Variants in UBE2D1 observed in about 807,000 individuals in gnomAD.
UBE2D1 encodes ubiquitin-conjugating enzyme E2 D1.
A neutral mutation model predicts 24.6 loss-of-function variants in UBE2D1; 9 were observed. That is an observed-to-expected ratio of 0.37 (90% CI 0.22 to 0.64). The LOEUF is 0.64. UBE2D1 is among the 30% of genes least tolerant of loss of function. The pLI, the probability that UBE2D1 is intolerant of heterozygous loss-of-function variation, is 0.64. For missense variants in UBE2D1, 87 were observed against 177.1 expected, an observed-to-expected ratio of 0.49 and a Z score of 2.89; for synonymous variants, 57 against 57.6, an observed-to-expected ratio of 0.99 and a Z score of 0.04.
intron 5 of UBE2D1, among the ~76,000 whole-genome samples, chr10:58,367,654 CA>C (rs1455506750): frequency 6.6e-6 from 1 of 151,974 alleles, no homozygotes; most frequent in Non-Finnish European, 1.5e-5. Flanking sequence ...TGGAGGGTCA[CA>C]TTTTTTTAAA....
rs752865594 is a variant in UBE2D1, at chr10:58,364,832, A to G, written c.260A>G (p.Asp87Gly). ...NINSNGSICL[D>G]ILRSQWSPAL... ...AACAGTAATGGAAGTATTTGTCTCG[A>G]TATTCTGAGGTCACAATGGTCACCA... Residue 87 changes from aspartate (D) to glycine (G), a missense_variant, in exon 5 of 7, where the codon GAT (aspartate) becomes GGT (glycine). By Grantham distance (94) the Asp-to-Gly change is moderately conservative. Transcript: ENST00000373910. The G allele has an allele frequency of 6.2e-7, 1 of 1,613,856 alleles. No individual in the cohort carries two copies. The highest frequency in any genetic ancestry group is 8.5e-7 in the Non-Finnish European group (1 of 1,179,874).
intron 1 of UBE2D1, among the ~76,000 whole-genome samples, chr10:58,357,180 A>G (rs2132326741): frequency 1.3e-5 from 2 of 152,256 alleles, no homozygotes; most frequent in South Asian, 4.1e-4. Context: ...TTCAGTGTTA[A>G]TTCTTACTTG....
chr10:58,369,740 T>C lies in UBE2D1; in HGVS notation c.*975T>C, dbSNP rs191916374. 457 of 152,218 alleles carry C rather than the reference T, an allele frequency of 3.0e-3. 3 individuals are homozygous for C. The highest frequency in any genetic ancestry group is 0.011 in the African/African-American group (442 of 41,564). 9.4% of individuals were successfully genotyped at this position (152,218 alleles called of 1,614,324 possible). Reference sequence around the variant, plus strand: ...ATTAGTTATATAAATTTTATTGTTTTAGGTTAGTATCTCTTTACTAAATTG... The same window carrying C: ...ATTAGTTATATAAATTTTATTGTTTCAGGTTAGTATCTCTTTACTAAATTG... On this transcript the variant is annotated 3_prime_UTR_variant, in exon 7 of 7. Transcript: ENST00000373910.
At chr10:58,360,766 T>C (rs1397661634) in intron 1 of UBE2D1, 2 of 275,334 alleles carry the variant, frequency 7.3e-6, no homozygotes, top group South Asian at 3.3e-5. Context: ...CAAATAAAAT[T>C]AGCCGGGTGT....
At chr10:58,352,712 C>G (rs892579638) in intron 1 of UBE2D1, among the ~76,000 whole-genome samples, 6 of 152,120 alleles carry the variant, frequency 3.9e-5, no homozygotes, top group Non-Finnish European at 7.3e-5. Context: ...ATCCTTGTGA[C>G]TTTTCAGAAT....
chr10:58,367,887 G>C lies in UBE2D1; in HGVS notation c.305-36G>C, dbSNP rs749681384. The C allele has an allele frequency of 5.0e-6, 7 of 1,394,132 alleles. No homozygotes were observed. The East Asian group carries it at 1.6e-4, about 32-fold the overall frequency. 86.4% of individuals were successfully genotyped at this position (1,394,132 alleles called of 1,614,324 possible). ...TATGTAATTTGTATGAAGTAGAAGG[G>C]TTATTGTCTAATGTGATGTTCTCTT... On this transcript the variant is annotated intron_variant, in intron 5 of 6. Transcript: ENST00000373910.
intron 1 of UBE2D1, among the ~76,000 whole-genome samples, chr10:58,346,402 A>G (rs1456632645): frequency 6.6e-6 from 1 of 152,216 alleles, no homozygotes; most frequent in Non-Finnish European, 1.5e-5. Context: ...TAATGTCATG[A>G]AAAGGGATGC....
intron 6 of UBE2D1, 50 bp downstream of exon 6, chr10:58,368,066 A>G: frequency 1.6e-6 from 2 of 1,238,464 alleles, no homozygotes; most frequent in South Asian, 1.3e-5. Flanking sequence ...CCTATATAGT[A>G]TGCCAAAACA....
At chr10:58,366,679 A>G (rs1253214192) in intron 5 of UBE2D1, among the ~76,000 whole-genome samples, 1 of 152,138 alleles carries the variant, frequency 6.6e-6, no homozygotes, top group Non-Finnish European at 1.5e-5. Flanking sequence ...CCTGGCCTCA[A>G]GTGATCCTCC....
intron 1 of UBE2D1, among the ~76,000 whole-genome samples, chr10:58,358,846 G>T (rs11597039): frequency 2.7e-5 from 4 of 150,116 alleles, no homozygotes; most frequent in Non-Finnish European, 5.9e-5. Flanking sequence ...CTGCAGCCTC[G>T]AACTCCTGGG....
At chr10:58,339,765 T>C (rs528504503) in intron 1 of UBE2D1, among the ~76,000 whole-genome samples, 1 of 152,146 alleles carries the variant, frequency 6.6e-6, no homozygotes, top group Non-Finnish European at 1.5e-5. Context: ...TTCCTTTTTT[T>C]TTTTTTCAGT....
At chr10:58,342,843 T>G (rs1839976348) in intron 1 of UBE2D1, among the ~76,000 whole-genome samples, 1 of 150,590 alleles carries the variant, frequency 6.6e-6, no homozygotes, top group Admixed American at 6.6e-5. Context: ...TGTTTTTTTT[T>G]TTTTGAGATG....
chr10:58,358,904 G>A (rs72797428), intron 1 of UBE2D1, among the ~76,000 whole-genome samples: 1,746 of 150,734 alleles, frequency 0.012, 24 homozygotes, highest in Non-Finnish European at 0.019. Context: ...GGAATTACAG[G>A]CATGAATCAG....
chr10:58,357,130 G>C (rs1381697145), intron 1 of UBE2D1, among the ~76,000 whole-genome samples: 2 of 152,122 alleles, frequency 1.3e-5, no homozygotes, highest in Non-Finnish European at 2.9e-5. Flanking sequence ...TTAAGTCCTG[G>C]CTCTTCAGAG....
chr10:58,355,312 C>T (rs1392825581), intron 1 of UBE2D1, among the ~76,000 whole-genome samples: 2 of 152,082 alleles, frequency 1.3e-5, no homozygotes, highest in Non-Finnish European at 2.9e-5. Flanking sequence ...GGAATTTGGT[C>T]TTTACTAAGC....
chr10:58,352,447 T>A (rs897001262), intron 1 of UBE2D1, among the ~76,000 whole-genome samples: 1 of 150,650 alleles, frequency 6.6e-6, no homozygotes, highest in African/African-American at 2.4e-5. Flanking sequence ...TTGTAATAAC[T>A]GGCAAATTAA....
chr10:58,366,284 T>G (rs1255022378), intron 5 of UBE2D1, among the ~76,000 whole-genome samples: 1 of 152,238 alleles, frequency 6.6e-6, no homozygotes, highest in Non-Finnish European at 1.5e-5. Context: ...GAAACCATCC[T>G]GTGAGAAATG....
chr10:58,367,780 T>C, intron 5 of UBE2D1, 143 bp from the exon 6 acceptor site: 1 of 427,914 alleles, frequency 2.3e-6, no homozygotes, highest in Non-Finnish European at 4.1e-6. Context: ...TCAACCAAAG[T>C]AGAATAAAAT....
At chr10:58,346,315 A>G (rs372103053) in intron 1 of UBE2D1, among the ~76,000 whole-genome samples, 2 of 152,088 alleles carry the variant, frequency 1.3e-5, no homozygotes, top group African/African-American at 4.8e-5. Context: ...CCCGGCCGGA[A>G]TGAACACTCT....
Sources: gnomAD v4.1 joint callset for allele counts (sites outside exome capture counted in the v4.1 genomes callset) on GRCh38, gnomAD v4.1.1 for gene constraint, MANE v1.5 for transcripts, NCBI Gene and HGNC (gene_info 2026-07-23, HGNC 2026-07-21) for gene names.